Variants in FER1L5 observed in about 807,000 individuals in gnomAD.
FER1L5 encodes the protein fer-1 like family member 5, also known as fer-1-like protein 5.
FER1L5 carries 187 observed loss-of-function variants against 279.9 expected under a neutral mutation model. The ratio of observed to expected loss-of-function variants is 0.67; its 90% CI spans 0.59 to 0.75. FER1L5 has a LOEUF of 0.75. Among genes scored for constraint, FER1L5 ranks in the 30% least tolerant of loss-of-function variants. The probability of loss-of-function intolerance (pLI) is 0.00; values close to 1 mark genes in which losing one functional copy is unlikely to be tolerated. For missense variants in FER1L5, 2,091 were observed against 2,594.4 expected (o/e 0.81, Z 4.21); for synonymous variants, 921 against 989.7 (o/e 0.93, Z 1.30).
intron 4 of FER1L5, among the ~76,000 whole-genome samples, chr2:96,648,723 G>A (rs1260309640): frequency 1.3e-5 from 2 of 152,244 alleles, no homozygotes; most frequent in African/African-American, 4.8e-5. Context: ...TAGATAACAG[G>A]TTGGTTCCCT....
rs1558936017 is a variant in FER1L5 at position 96,702,631 on chromosome 2, AAGAC to A, written c.5293_5296del (p.Asp1765SerfsTer6). On this transcript the variant is annotated frameshift_variant, in exon 48 of 53. Coordinates refer to ENST00000624922, the MANE Select transcript of FER1L5 (RefSeq NM_001293083.2). LOFTEE classifies it high-confidence loss of function. This position sits in a 1 kb window ranked among gnomAD's most constrained non-coding sequence, Gnocchi z 4.0. ...ATACGGGCTGGAGAAGGACATGCAG[AAGAC>A]AGACATCCACTACCACTCGCTGACT... 1 of 1,592,928 alleles carries A rather than the reference AAGAC, an allele frequency of 6.3e-7. No individual in the cohort carries two copies.
Position 96,700,488 on chromosome 2 carries a change from G to C in FER1L5, c.5070+17G>C, listed in dbSNP as rs760538545. Reference sequence around the variant, plus strand: ...ATCGACCAGGTATGAGACTGGAGGGGCCACTCCTGGCTCCTACAGGAGGAG... The same window carrying C: ...ATCGACCAGGTATGAGACTGGAGGGCCCACTCCTGGCTCCTACAGGAGGAG... On this transcript the variant is annotated intron_variant, in intron 45 of 52. Coordinates refer to ENST00000624922, the MANE Select transcript of FER1L5 (RefSeq NM_001293083.2). 1 of 1,612,068 alleles carries C rather than the reference G, an allele frequency of 6.2e-7. No homozygotes were observed. The highest frequency in any genetic ancestry group is 8.5e-7 in the Non-Finnish European group (1 of 1,179,872).
At chr2:96,682,597 G>A (rs1457914540) in intron 19 of FER1L5, among the ~76,000 whole-genome samples, 2 of 152,360 alleles carry the variant, frequency 1.3e-5, no homozygotes, top group Non-Finnish European at 1.5e-5. Context: ...ATTCTCTGAG[G>A]TCTGGCTAAA....
At position 96,660,388 on chromosome 2, in the gene FER1L5, G is replaced by A; in HGVS notation, c.778+17G>A. Reference sequence around the variant, plus strand: ...ATTCTCCAGGTAGGTAATACTTATGGCAAATATGTATGTCTTCTGAGAAAA... The same window carrying A: ...ATTCTCCAGGTAGGTAATACTTATGACAAATATGTATGTCTTCTGAGAAAA... On this transcript the variant is annotated intron_variant, in intron 10 of 52. Coordinates refer to ENST00000624922, the MANE Select transcript of FER1L5 (RefSeq NM_001293083.2). 6.4e-7 allele frequency: 1 copy of A among 1,550,990 alleles called. No homozygotes were observed.
At chr2:96,686,385 C>A in intron 23 of FER1L5, 35 bp downstream of exon 23, 2 of 1,533,802 alleles carry the variant, frequency 1.3e-6, no homozygotes, top group Non-Finnish European at 1.8e-6. Context: ...GAGGACAGGG[C>A]TGAGAAATGC....
intron 23 of FER1L5, among the ~76,000 whole-genome samples, 160 bp downstream of exon 23, chr2:96,686,510 G>T (rs575321697): frequency 6.6e-6 from 1 of 152,180 alleles, no homozygotes; most frequent in African/African-American, 2.4e-5. Context: ...GGGGTCTGTG[G>T]CTGTCAGCAT....
At chr2:96,657,067 A>T (rs924647911) in intron 9 of FER1L5, among the ~76,000 whole-genome samples, 6 of 147,524 alleles carry the variant, frequency 4.1e-5, no homozygotes, top group Admixed American at 1.4e-4. Context: ...TTTTTAATTT[A>T]TATATATATA....
rs1573936731 is a variant in FER1L5 at position 96,691,029 on chromosome 2, C to G, written c.2744-161C>G. ...GTTGGGCAGCTGGGCCCAGGCCACT[C>G]AGGTGACACAGTGTAGCCACACTCT... On this transcript the variant is annotated intron_variant, in intron 27 of 52. Transcript: ENST00000624922. This position sits in a 1 kb window ranked among gnomAD's most constrained non-coding sequence, Gnocchi z 6.0. Among the ~76,000 whole-genome samples the G allele has an allele frequency of 2.6e-5, 4 of 152,374 alleles. No homozygotes were observed. In the Middle Eastern group the frequency reaches 0.014, roughly 518 times the overall value.
intron 9 of FER1L5, among the ~76,000 whole-genome samples, chr2:96,659,290 T>TTTCCTTCCTTCCCTCC (rs2075735258): frequency 6.2e-5 from 5 of 80,942 alleles, no homozygotes; most frequent in Non-Finnish European, 1.4e-4. Context: ...TTTATCAAGC[T>TTTCCTTCCTTCCCTCC]TTCCTTCCTT....
chr2:96,657,640 T>G (rs2075651856), intron 9 of FER1L5, among the ~76,000 whole-genome samples: 2 of 152,306 alleles, frequency 1.3e-5, no homozygotes, highest in African/African-American at 2.4e-5. Context: ...TATGAACATT[T>G]CTTTCCTAGA....
intron 3 of FER1L5, 118 bp from the exon 4 acceptor site, chr2:96,647,656 CCTCT>C: frequency 1.4e-6 from 1 of 692,216 alleles, no homozygotes; most frequent in Non-Finnish European, 2.5e-6. Context: ...TCTTCTCCAG[CCTCT>C]CTCTGAGGAC....
chr2:96,699,439 C>T (rs1353217186), intron 42 of FER1L5, 111 bp from the exon 43 acceptor site: 5 of 1,271,480 alleles, frequency 3.9e-6, no homozygotes, highest in Non-Finnish European at 5.5e-6. Context: ...GCTCTGCTCT[C>T]CACAATCTCC....
rs1002738876 is a variant in FER1L5, at chr2:96,689,043, T to C, written c.2362-170T>C. ...TGAATGATCCAGGGCAGGGTTGACCTCTGGGCCTCAGTGCCCTCACCTGTG... is the reference window on the plus strand; with the variant it reads ...TGAATGATCCAGGGCAGGGTTGACCCCTGGGCCTCAGTGCCCTCACCTGTG... On this transcript the variant is annotated intron_variant, in intron 24 of 52. Coordinates refer to ENST00000624922, the MANE Select transcript of FER1L5 (RefSeq NM_001293083.2). This position sits in a 1 kb window ranked among gnomAD's most constrained non-coding sequence, Gnocchi z 4.6. 7 of 721,856 alleles carry C rather than the reference T, an allele frequency of 9.7e-6. No homozygotes were observed. The African/African-American group carries it at 1.3e-4, about 13-fold the overall frequency. The allele number at this position is 721,856 out of a possible 1,614,324, so 44.7% of individuals were successfully genotyped here. A position where few individuals can be genotyped will look rare whatever the true frequency, so the allele number is the denominator to read the frequency against.
In FER1L5 at chr2:96,691,886, T is replaced by C; in HGVS notation, c.3137T>C (p.Leu1046Pro). The C allele has an allele frequency of 6.4e-7, 1 of 1,551,506 alleles. No homozygotes were observed. The highest frequency in any genetic ancestry group is 8.7e-7 in the Non-Finnish European group (1 of 1,146,974). ...EEDSKTWPWG[L>P]DRQFRDPQRQ... ...GACAGCAAGACATGGCCATGGGGTC[T>C]GGACAGACAGTTCAGGGACCCCCAG... Residue 1046 changes from leucine (L) to proline (P), a missense_variant, in exon 30 of 53, where the codon CTG becomes CCG. By Grantham distance (98) the Leu-to-Pro change is moderately conservative. Transcript: ENST00000624922. The surrounding 1 kb of genome is among the most constrained non-coding windows in gnomAD (Gnocchi z 6.0).
chr2:96,690,407 C>T, intron 26 of FER1L5, 80 bp from the exon 27 acceptor site: 1 of 1,336,014 alleles, frequency 7.5e-7, no homozygotes, highest in Non-Finnish European at 1.0e-6. Context: ...CAGGCACGCA[C>T]ACAGGTGTGG....
Position 96,702,485 on chromosome 2 carries a change from G to C in FER1L5, c.5255+84G>C. The C allele has an allele frequency of 6.4e-7, 1 of 1,552,908 alleles. No homozygotes were observed. The highest frequency in any genetic ancestry group is 1.2e-5 in the South Asian group (1 of 83,702). On this transcript the variant is annotated intron_variant, in intron 47 of 52. Coordinates refer to ENST00000624922, the MANE Select transcript of FER1L5 (RefSeq NM_001293083.2). The surrounding 1 kb of genome is among the most constrained non-coding windows in gnomAD (Gnocchi z 4.0). ...GCTGGCACGGCCCAGTCCTGAATGGGACACCTCTCCATCCAGCTCTGCCTG... is the reference window on the plus strand; with the variant it reads ...GCTGGCACGGCCCAGTCCTGAATGGCACACCTCTCCATCCAGCTCTGCCTG...
intron 4 of FER1L5, 81 bp from the exon 5 acceptor site, chr2:96,649,542 C>T: frequency 6.3e-6 from 9 of 1,428,122 alleles, no homozygotes; most frequent in Non-Finnish European, 8.7e-6. Flanking sequence ...GGTGTGAACC[C>T]AACCAGGCTG....
chr2:96,650,406 A>T, intron 6 of FER1L5, 117 bp downstream of exon 6: 1 of 818,154 alleles, frequency 1.2e-6, no homozygotes, highest in Admixed American at 2.3e-5. Context: ...CTTCAGACCC[A>T]GCTTCTGGCC....
chr2:96,659,484 T>A (rs1279641382), intron 9 of FER1L5, among the ~76,000 whole-genome samples: 1 of 35,900 alleles, frequency 2.8e-5, no homozygotes, highest in South Asian at 1.7e-3. Context: ...TTTCTTTCTT[T>A]CTTTCTTTCT....
Sources: gnomAD v4.1 joint callset for allele counts (sites outside exome capture counted in the v4.1 genomes callset) on GRCh38, gnomAD v4.1.1 for gene constraint, Gnocchi (gnomAD v3.1) non-coding constraint, MANE v1.5 for transcripts, NCBI Gene and HGNC (gene_info 2026-07-23, HGNC 2026-07-21) for gene names.